Variants in PACRG observed in about 807,000 individuals in gnomAD.
PACRG encodes the protein parkin coregulated.
A neutral mutation model predicts 29.7 loss-of-function variants in PACRG; 29 were observed. That is an observed-to-expected ratio of 0.98 (90% CI 0.73 to 1.33). The LOEUF is 1.33. Ranked by LOEUF, PACRG falls within the 40% of genes most tolerant of loss-of-function variation. PACRG has a pLI of 0.00. For synonymous variants in PACRG, 116 were observed against 118.7 expected, an observed-to-expected ratio of 0.98 and a Z score of 0.15; for missense variants, 279 against 316.2, an observed-to-expected ratio of 0.88 and a Z score of 0.89.
chr6:162,846,712 C>T (rs985187213), intron 2 of PACRG, among the ~76,000 whole-genome samples: 7 of 152,214 alleles, frequency 4.6e-5, no homozygotes, highest in African/African-American at 9.6e-5. Flanking sequence ...TTATCCCTAC[C>T]CCTTTCATCC....
intron 4 of PACRG, among the ~76,000 whole-genome samples, chr6:163,258,170 C>A (rs777072947): frequency 6.6e-6 from 1 of 152,142 alleles, no homozygotes; most frequent in Non-Finnish European, 1.5e-5. Context: ...TTTTCCACAA[C>A]TTTTTATCAT....
intron 4 of PACRG, among the ~76,000 whole-genome samples, chr6:163,090,698 C>A (rs999501017): frequency 1.3e-5 from 2 of 152,154 alleles, no homozygotes; most frequent in Non-Finnish European, 2.9e-5. Context: ...CCGATGTGCA[C>A]CTTTTTCAAC....
chr6:163,169,499 C>G (rs1486999358), intron 4 of PACRG, among the ~76,000 whole-genome samples: 2 of 152,162 alleles, frequency 1.3e-5, no homozygotes, highest in East Asian at 3.9e-4. Context: ...AGCCATGGAG[C>G]TGGACGTGTG....
chr6:163,093,232 C>A (rs1221373681), intron 4 of PACRG, among the ~76,000 whole-genome samples: 2 of 152,212 alleles, frequency 1.3e-5, no homozygotes, highest in East Asian at 3.9e-4. Flanking sequence ...TTTGAAAAAA[C>A]CAAACTGCTG....
At chr6:163,180,285 A>G (rs1297069680) in intron 4 of PACRG, among the ~76,000 whole-genome samples, 1 of 152,220 alleles carries the variant, frequency 6.6e-6, no homozygotes, top group African/African-American at 2.4e-5. Flanking sequence ...GAAGATGAAC[A>G]GTTCTCTCCA....
chr6:162,806,150 C>G (rs1284705337), intron 1 of PACRG, among the ~76,000 whole-genome samples: 2 of 151,458 alleles, frequency 1.3e-5, no homozygotes, highest in Non-Finnish European at 2.9e-5. Context: ...CTCTTGTTGC[C>G]CAGGCTGGAG....
intron 2 of PACRG, among the ~76,000 whole-genome samples, chr6:162,862,485 C>A (rs748045575): frequency 4.6e-5 from 7 of 152,170 alleles, no homozygotes; most frequent in Non-Finnish European, 1.0e-4. Context: ...TGATGCTAGG[C>A]ACACAAGAAA....
At chr6:163,133,584 C>A (rs115915831) in intron 4 of PACRG, among the ~76,000 whole-genome samples, 2 of 152,158 alleles carry the variant, frequency 1.3e-5, no homozygotes, top group African/African-American at 4.8e-5. Flanking sequence ...AGACGTATTT[C>A]TCTTTCTGCC....
intron 4 of PACRG, among the ~76,000 whole-genome samples, chr6:163,105,032 C>T (rs1160452090): frequency 6.6e-6 from 1 of 152,042 alleles, no homozygotes; most frequent in East Asian, 1.9e-4. Flanking sequence ...TTCTATGACC[C>T]TATTCCTGAA....
chr6:163,258,953 G>A (rs1783221087), intron 4 of PACRG, among the ~76,000 whole-genome samples: 1 of 152,078 alleles, frequency 6.6e-6, no homozygotes, highest in South Asian at 2.1e-4. Flanking sequence ...CTTTGGTGTG[G>A]TTCCAAATAG....
chr6:162,773,600 C>T (rs1308256152), intron 1 of PACRG, among the ~76,000 whole-genome samples: 4 of 147,552 alleles, frequency 2.7e-5, no homozygotes, highest in African/African-American at 7.6e-5. Context: ...CTGCAAGCTC[C>T]GCTTCCCGGG....
chr6:162,837,178 G>A (rs1789300197), intron 2 of PACRG, among the ~76,000 whole-genome samples: 1 of 152,124 alleles, frequency 6.6e-6, no homozygotes, highest in African/African-American at 2.4e-5. Context: ...GCATTGTCCT[G>A]CGTAGATAGT....
chr6:163,078,641 T>TA (rs1421030748), intron 3 of PACRG, among the ~76,000 whole-genome samples: 1 of 152,066 alleles, frequency 6.6e-6, no homozygotes, highest in South Asian at 2.1e-4. Context: ...TCATCATCAT[T>TA]CTCTGCCTAA....
intron 2 of PACRG, among the ~76,000 whole-genome samples, chr6:163,035,747 G>A (rs576509900): frequency 1.5e-4 from 22 of 150,730 alleles, no homozygotes; most frequent in Admixed American, 7.3e-4. Flanking sequence ...GAACTCGGGA[G>A]GTGGAGGTGA....
rs534845919 is a variant in PACRG at position 162,897,377 on chromosome 6, G to A, written c.291+83096G>A. ...TCAAAGAGCACCCCCAATTGTGCAAGCCTCAAGCCTGAGGAATTTGCACTC... is the reference window on the plus strand; with the variant it reads ...TCAAAGAGCACCCCCAATTGTGCAAACCTCAAGCCTGAGGAATTTGCACTC... On this transcript the variant is annotated intron_variant, in intron 2 of 4. Coordinates refer to ENST00000366888, the MANE Select transcript of PACRG (RefSeq NM_001080379.2). Among the ~76,000 whole-genome samples, 3 of 152,316 alleles carry A rather than the reference G, an allele frequency of 2.0e-5. No individual in the cohort carries two copies. The East Asian group carries it at 5.8e-4, about 29-fold the overall frequency.
chr6:163,076,849 A>G (rs926522117), intron 3 of PACRG, among the ~76,000 whole-genome samples: 2 of 151,980 alleles, frequency 1.3e-5, no homozygotes, highest in East Asian at 3.9e-4. Context: ...CTCCAGTCCT[A>G]TCCCCACTCT....
intron 2 of PACRG, among the ~76,000 whole-genome samples, chr6:162,873,111 TC>T (rs1413861137): frequency 6.6e-6 from 1 of 152,240 alleles, no homozygotes; most frequent in Non-Finnish European, 1.5e-5. Flanking sequence ...AATATGTTTT[TC>T]CCTGGAACTA....
intron 4 of PACRG, among the ~76,000 whole-genome samples, chr6:163,258,790 A>G (rs1783215641): frequency 1.3e-5 from 2 of 152,116 alleles, no homozygotes; most frequent in Non-Finnish European, 2.9e-5. Flanking sequence ...TCATATTATA[A>G]TGTTCGTAAG....
intron 2 of PACRG, among the ~76,000 whole-genome samples, chr6:162,950,806 C>G (rs959232228): frequency 1.3e-5 from 2 of 152,106 alleles, no homozygotes; most frequent in Admixed American, 1.3e-4. Flanking sequence ...TGAAAAAGCT[C>G]TTTCAGTGTA....
Sources: allele counts gnomAD v4.1 joint callset (sites outside exome capture counted in the v4.1 genomes callset), GRCh38; gene constraint gnomAD v4.1.1; transcripts MANE v1.5; gene names NCBI Gene and HGNC (gene_info 2026-07-23, HGNC 2026-07-21).